Variants in ZNF385D observed in about 807,000 individuals in gnomAD.
ZNF385D encodes the protein zinc finger protein 659.
In ZNF385D, 15 loss-of-function variants were observed where a neutral mutation model predicts 35.8. The observed-to-expected ratio is 0.42, with a 90% CI of 0.28 to 0.64. The LOEUF (loss-of-function observed/expected upper bound fraction) is 0.64. Among genes scored for constraint, ZNF385D ranks in the 30% least tolerant of loss-of-function variants. ZNF385D has a pLI of 0.23. For synonymous variants in ZNF385D, 212 were observed against 186.8 expected (o/e 1.13, Z -1.10); for missense variants, 474 against 494.6 (o/e 0.96, Z 0.39).
intron 3 of ZNF385D, among the ~76,000 whole-genome samples, chr3:22,077,631 T>A (rs1354746344): frequency 1.3e-5 from 2 of 152,008 alleles, no homozygotes; most frequent in East Asian, 3.8e-4. Flanking sequence ...AAATATTTGA[T>A]GTTTTTGGCA....
At chr3:21,497,658 G>A (rs867812394) in intron 4 of ZNF385D, among the ~76,000 whole-genome samples, 3 of 152,062 alleles carry the variant, frequency 2.0e-5, no homozygotes, top group African/African-American at 4.8e-5. Flanking sequence ...AGACCAGCCT[G>A]GGCAATATGG....
intron 3 of ZNF385D, among the ~76,000 whole-genome samples, chr3:21,773,856 T>C (rs559719668): frequency 6.6e-6 from 1 of 152,106 alleles, no homozygotes; most frequent in East Asian, 1.9e-4. Context: ...TGGAAGATGC[T>C]GTGGCAATTC....
At chr3:21,564,367 T>C (rs2063065418) in intron 3 of ZNF385D, among the ~76,000 whole-genome samples, 1 of 152,136 alleles carries the variant, frequency 6.6e-6, no homozygotes, top group East Asian at 1.9e-4. Context: ...TATTTAAGCT[T>C]GTTTACATGT....
chr3:21,950,705 T>C (rs1293981627), intron 3 of ZNF385D, among the ~76,000 whole-genome samples: 4 of 151,818 alleles, frequency 2.6e-5, no homozygotes, highest in African/African-American at 9.7e-5. Context: ...CTTTAATCCA[T>C]CTTGAGTTAA....
At chr3:21,883,536 C>A (rs1698387637) in intron 3 of ZNF385D, among the ~76,000 whole-genome samples, 1 of 151,896 alleles carries the variant, frequency 6.6e-6, no homozygotes, top group African/African-American at 2.4e-5. Context: ...CATCCTTGGT[C>A]ATGCTATTTC....
At chr3:21,886,749 G>C (rs1161536412) in intron 3 of ZNF385D, among the ~76,000 whole-genome samples, 1 of 152,102 alleles carries the variant, frequency 6.6e-6, no homozygotes, top group Non-Finnish European at 1.5e-5. Flanking sequence ...GATGGGATTT[G>C]AGTTCAAATA....
At chr3:22,154,338 A>C (rs1705447177) in intron 3 of ZNF385D, among the ~76,000 whole-genome samples, 1 of 152,172 alleles carries the variant, frequency 6.6e-6, no homozygotes, top group Non-Finnish European at 1.5e-5. Flanking sequence ...TACATCATTA[A>C]GTCAAACCCA....
chr3:21,538,275 A>C (rs1352017110), intron 3 of ZNF385D, among the ~76,000 whole-genome samples: 3 of 152,056 alleles, frequency 2.0e-5, no homozygotes, highest in Admixed American at 6.5e-5. Flanking sequence ...TCAGCTGGAG[A>C]TACAAATATG....
In ZNF385D at chr3:21,930,471, T is replaced by C. The variant is rs1271045367; in HGVS notation, c.325+238346A>G. 7.2e-5 allele frequency among the ~76,000 whole-genome samples: 11 copies of C among 152,086 alleles called. No individual in the cohort carries two copies. The East Asian group carries it at 2.1e-3, about 29-fold the overall frequency. ...CACTCTAATTTCAAAAATTTGGGCTTCAAAGGAAGCCGTCAAGAAAGTGAT... is the reference window on the plus strand; with the variant it reads ...CACTCTAATTTCAAAAATTTGGGCTCCAAAGGAAGCCGTCAAGAAAGTGAT... On this transcript the variant is annotated intron_variant, in intron 3 of 5. Coordinates refer to the ZNF385D transcript ENST00000494108.
chr3:21,532,571 A>G (rs1181010674), intron 3 of ZNF385D, among the ~76,000 whole-genome samples: 1 of 152,044 alleles, frequency 6.6e-6, no homozygotes, highest in Admixed American at 6.6e-5. Context: ...ATGAAAAATA[A>G]TTAAAAAGAA....
In ZNF385D at chr3:21,465,579, A is replaced by G. The variant is rs1703458313; in HGVS notation, c.440-28376T>C. ...CACAGGGCATAAGCCTGAATTTTCA[A>G]ATACATCCTTCCAGAATGTATTCGA... On this transcript the variant is annotated intron_variant, in intron 4 of 7. Transcript: ENST00000281523. The surrounding 1 kb of genome is among the most constrained non-coding windows in gnomAD (Gnocchi z 4.2). Among the ~76,000 whole-genome samples the G allele has an allele frequency of 6.6e-6, 1 of 152,158 alleles. No individual in the cohort carries two copies. Among genetic ancestry groups the G allele is most frequent in the Non-Finnish European group, 1.5e-5 (1 of 68,040 alleles).
chr3:22,185,988 G>A (rs979674754), intron 2 of ZNF385D, among the ~76,000 whole-genome samples: 6 of 151,096 alleles, frequency 4.0e-5, no homozygotes, highest in African/African-American at 1.5e-4. Context: ...ATGTTGGCTT[G>A]TTTTAGTTCA....
intron 2 of ZNF385D, among the ~76,000 whole-genome samples, chr3:22,293,656 G>A (rs541598813): frequency 6.6e-6 from 1 of 152,206 alleles, no homozygotes; most frequent in African/African-American, 2.4e-5. Flanking sequence ...TTCCTCAGTT[G>A]TTCCACAGCT....
intron 2 of ZNF385D, among the ~76,000 whole-genome samples, chr3:21,604,409 G>A (rs1387665098): frequency 6.6e-6 from 1 of 152,204 alleles, no homozygotes; most frequent in Non-Finnish European, 1.5e-5. Context: ...AAGCTGGGAA[G>A]TGACATGATT....
At chr3:22,128,982 T>C (rs978266924) in intron 3 of ZNF385D, among the ~76,000 whole-genome samples, 23 of 152,124 alleles carry the variant, frequency 1.5e-4, no homozygotes, top group African/African-American at 4.8e-4. Context: ...TTTCCATGTA[T>C]TGAAAGGGAA....
intron 3 of ZNF385D, among the ~76,000 whole-genome samples, chr3:21,812,360 G>C (rs528874137): frequency 2.4e-4 from 36 of 152,348 alleles, no homozygotes; most frequent in Admixed American, 1.0e-3. Flanking sequence ...TGGACAGTGG[G>C]GGCAGCCCAT....
chr3:22,282,610 T>C (rs1378222573), intron 2 of ZNF385D, among the ~76,000 whole-genome samples: 1 of 152,110 alleles, frequency 6.6e-6, no homozygotes, highest in East Asian at 1.9e-4. Flanking sequence ...TGCTATAATT[T>C]TGATTTTCTT....
chr3:22,073,516 C>A (rs1179539462), intron 3 of ZNF385D, among the ~76,000 whole-genome samples: 2 of 151,690 alleles, frequency 1.3e-5, no homozygotes, highest in Non-Finnish European at 2.9e-5. Flanking sequence ...TGTAAAAAGC[C>A]ATACACAACA....
rs375885579 is a variant in ZNF385D at position 21,693,633 on chromosome 3, C to A, written c.23-28605G>T. Among the ~76,000 whole-genome samples, 13 of 151,932 alleles carry A rather than the reference C, an allele frequency of 8.6e-5. No individual in the cohort carries two copies. The East Asian group carries it at 1.7e-3, about 20-fold the overall frequency. On this transcript the variant is annotated intron_variant, in intron 1 of 7. Coordinates refer to ENST00000281523, the MANE Select transcript of ZNF385D (RefSeq NM_024697.3). ...GAGGAATCATGCTAAAATTCATAAA[C>A]CAAAAAAGTATATGTCCTTTGTAAA...
Sources: gnomAD v4.1 joint callset for allele counts (sites outside exome capture counted in the v4.1 genomes callset) on GRCh38, gnomAD v4.1.1 for gene constraint, Gnocchi (gnomAD v3.1) non-coding constraint, MANE v1.5 for transcripts, NCBI Gene and HGNC (gene_info 2026-07-23, HGNC 2026-07-21) for gene names.